MYO9B: variants seen among roughly 807,000 people sequenced by gnomAD.
The protein encoded by MYO9B is unconventional myosin-IXb.
Under a neutral mutation model 229.5 loss-of-function variants are expected in MYO9B, and 71 were observed. The observed-to-expected ratio is 0.31, with a 90% confidence interval of 0.26 to 0.38. MYO9B has a LOEUF of 0.38. MYO9B is among the 10% of genes least tolerant of loss of function. MYO9B has a pLI of 1.00. For synonymous variants in MYO9B, 1,185 were observed against 1,235.8 expected, an observed-to-expected ratio of 0.96 and a Z score of 0.86; for missense variants, 2,255 against 2,920.5, an observed-to-expected ratio of 0.77 and a Z score of 5.25.
At chr19:17,151,235 G>A (rs924267270) in intron 3 of MYO9B, among the ~76,000 whole-genome samples, 1 of 150,780 alleles carries the variant, frequency 6.6e-6, no homozygotes, top group Non-Finnish European at 1.5e-5. Context: ...CTGAGATCAC[G>A]CCATTGCACT....
intron 2 of MYO9B, among the ~76,000 whole-genome samples, chr19:17,127,786 C>T (rs1380622162): frequency 2.0e-5 from 3 of 152,228 alleles, no homozygotes; most frequent in African/African-American, 4.8e-5. Flanking sequence ...TTGTCTGTGA[C>T]CGCTTTCCTG....
At chr19:17,175,839 T>C (rs75059656) in intron 14 of MYO9B, 98 bp downstream of exon 14, 26 of 982,578 alleles carry the variant, frequency 2.6e-5, no homozygotes, top group Middle Eastern at 3.2e-4. Flanking sequence ...TTTTTTTTTT[T>C]TTTTTCTTTT....
Position 17,184,913 on chromosome 19 carries a change from C to T in MYO9B, c.2422C>T (p.His808Tyr). 1 of 1,613,958 alleles carries T rather than the reference C, an allele frequency of 6.2e-7. No homozygotes were observed. Among genetic ancestry groups the T allele is most frequent in the Non-Finnish European group, 8.5e-7 (1 of 1,179,858 alleles). ...GAAACTCATCATCAGCATGACTCTGCACGACCGCACCACCAAGTCCCTACT... is the reference window on the plus strand; with the variant it reads ...GAAACTCATCATCAGCATGACTCTGTACGACCGCACCACCAAGTCCCTACT... ...SLKLIISMTL[H>Y]DRTTKSLLHL... Residue 808 changes from histidine (H) to tyrosine (Y), a missense_variant, in exon 17 of 40, where the codon CAC (histidine) becomes TAC (tyrosine). Coordinates refer to ENST00000682292, the MANE Select transcript of MYO9B (RefSeq NM_004145.4).
At chr19:17,159,887 T>G (rs2072579259) in intron 8 of MYO9B, among the ~76,000 whole-genome samples, 1 of 152,154 alleles carries the variant, frequency 6.6e-6, no homozygotes, top group South Asian at 2.1e-4. Flanking sequence ...ACAGAGAACA[T>G]CAGGCCCCAA....
intron 1 of MYO9B, among the ~76,000 whole-genome samples, chr19:17,093,469 G>T (rs984942150): frequency 6.6e-6 from 1 of 152,098 alleles, no homozygotes; most frequent in South Asian, 2.1e-4. Flanking sequence ...ATTAACTCTC[G>T]TGGCGTCCTG....
In MYO9B at chr19:17,212,137, G is replaced by C. The variant is rs761484115; in HGVS notation, c.6301G>C (p.Ala2101Pro). Residue 2101 changes from alanine (A) to proline (P), a missense_variant, in exon 40 of 40, where the codon GCC (alanine) becomes CCC (proline). Ala to Pro is a conservative substitution (Grantham distance 27). Transcript: ENST00000682292. The surrounding 1 kb of genome is among the most constrained non-coding windows in gnomAD (Gnocchi z 5.4). ...CCCAGTGCGGCGCCGGGAGCCACCT[G>C]CCCGCCGCCCGGACCAGATACATTC... is the stretch of plus-strand genomic sequence containing the variant. The part of the protein sequence containing the change: ...AAPVRRREPP[A>P]RRPDQIHSVY... 4.9e-5 allele frequency: 78 copies of C among 1,586,688 alleles called. No homozygotes were observed. The highest frequency in any genetic ancestry group is 6.5e-5 in the Non-Finnish European group (76 of 1,167,800).
chr19:17,085,633 G>A (rs1182864882), intron 1 of MYO9B, among the ~76,000 whole-genome samples: 1 of 151,448 alleles, frequency 6.6e-6, no homozygotes, highest in African/African-American at 2.4e-5. Flanking sequence ...AGACTGGCCT[G>A]GGCAACATAG....
chr19:17,113,331 G>T (rs550286404), intron 2 of MYO9B, among the ~76,000 whole-genome samples: 1 of 152,150 alleles, frequency 6.6e-6, no homozygotes, highest in Non-Finnish European at 1.5e-5. Context: ...GTCCAGGGCC[G>T]GGTTGGGGAA....
At chr19:17,109,754 C>T (rs2057829418) in intron 2 of MYO9B, among the ~76,000 whole-genome samples, 1 of 152,214 alleles carries the variant, frequency 6.6e-6, no homozygotes, top group African/African-American at 2.4e-5. Flanking sequence ...CTCCCTCCGT[C>T]GTCACCTGGT....
chr19:17,211,962 C>G lies in MYO9B; in HGVS notation c.6126C>G (p.Ala2042=). ...PTPSPLPTVA[A]PPRRRPSSFV... ...CGAGCCCCCTCCCCACCGTGGCCGC[C>G]CCTCCACGACGAAGGCCGTCGTCCT... The change falls in exon 40 of 40, where the codon GCC becomes GCG. Residue 2042 remains alanine (A), a synonymous_variant. Transcript: ENST00000682292. The G allele has an allele frequency of 6.4e-7, 1 of 1,569,350 alleles. No homozygotes were observed. Among genetic ancestry groups the G allele is most frequent in the Non-Finnish European group, 8.6e-7 (1 of 1,159,102 alleles).
rs371214168 is a variant in MYO9B at position 17,197,787 on chromosome 19, C to T, written c.4047-5C>T. ...AGTAAAAGCCATGTTTCTGTGATCT[C>T]GCAGGGAGAGGCGCACCTCCTTCTC... On this transcript the variant is annotated splice_polypyrimidine_tract_variant and splice_region_variant and intron_variant, in intron 22 of 39. Coordinates refer to ENST00000682292, the MANE Select transcript of MYO9B (RefSeq NM_004145.4). 18 of 1,613,796 alleles carry T rather than the reference C, an allele frequency of 1.1e-5. No homozygotes were observed. Among genetic ancestry groups the T allele is most frequent in the African/African-American group, 2.7e-5 (2 of 75,038 alleles).
At chr19:17,099,629 C>T (rs918786098) in intron 1 of MYO9B, among the ~76,000 whole-genome samples, 6 of 151,878 alleles carry the variant, frequency 4.0e-5, no homozygotes, top group Non-Finnish European at 8.8e-5. Context: ...TCCTGGCTAA[C>T]ATGGTGAAAC....
chr19:17,165,037 T>C (rs1186328937), intron 10 of MYO9B, among the ~76,000 whole-genome samples: 1 of 152,132 alleles, frequency 6.6e-6, no homozygotes, highest in East Asian at 1.9e-4. Context: ...GCTAGTTTTT[T>C]GGTTTTATTT....
At chr19:17,148,606 C>T (rs1599370242) in intron 3 of MYO9B, among the ~76,000 whole-genome samples, 2 of 152,018 alleles carry the variant, frequency 1.3e-5, no homozygotes, top group African/African-American at 2.4e-5. Flanking sequence ...TTTTTGGAGA[C>T]GGAATCTCAC....
chr19:17,155,811 G>A (rs1051625038), intron 6 of MYO9B, among the ~76,000 whole-genome samples: 3 of 152,020 alleles, frequency 2.0e-5, no homozygotes, highest in Non-Finnish European at 2.9e-5. Context: ...CTGAGCTCAC[G>A]AGTTCAAGGC....
At chr19:17,171,920 T>C (rs1317509940) in intron 11 of MYO9B, among the ~76,000 whole-genome samples, 2 of 152,104 alleles carry the variant, frequency 1.3e-5, no homozygotes, top group Non-Finnish European at 2.9e-5. Flanking sequence ...GGCAACAGAG[T>C]GAGACCCTGT....
intron 19 of MYO9B, 101 bp downstream of exon 19, chr19:17,188,146 T>C: frequency 9.3e-7 from 1 of 1,078,712 alleles, no homozygotes. Context: ...CTCAGCAGGT[T>C]GGCCAGGTGC....
intron 2 of MYO9B, among the ~76,000 whole-genome samples, chr19:17,123,585 C>T (rs967497969): frequency 1.3e-5 from 2 of 152,068 alleles, no homozygotes; most frequent in Admixed American, 6.6e-5. Context: ...GGATTACAGG[C>T]GCACGCCATC....
chr19:17,210,986 T>TG, intron 38 of MYO9B, 138 bp downstream of exon 38: 2 of 952,878 alleles, frequency 2.1e-6, no homozygotes, highest in Non-Finnish European at 1.5e-6. Context: ...ACTTTTTTTT[T>TG]TTTTTTTTTT....
Sources: allele counts gnomAD v4.1 joint callset (sites outside exome capture counted in the v4.1 genomes callset), GRCh38; gene constraint gnomAD v4.1.1; non-coding constraint Gnocchi (gnomAD v3.1); transcripts MANE v1.5; gene names NCBI Gene and HGNC (gene_info 2026-07-23, HGNC 2026-07-21).